The following PDE4B variants were observed in gnomAD, a reference collection of about 807,000 sequenced individuals.
PDE4B encodes 3',5'-cyclic-AMP phosphodiesterase 4B.
In PDE4B, 20 loss-of-function variants were observed where a neutral mutation model predicts 82.2. The ratio of observed to expected loss-of-function variants is 0.24; its 90% confidence interval spans 0.17 to 0.35. The LOEUF (loss-of-function observed/expected upper bound fraction) is 0.35, where lower values mean the gene tolerates loss of function less well. PDE4B is among the 10% of genes least tolerant of loss of function. The pLI is 1.00. For synonymous variants in PDE4B, 320 were observed against 318.9 expected (o/e 1.00, Z -0.04); for missense variants, 655 against 907.2 (o/e 0.72, Z 3.57).
At chr1:66,163,829 C>T (rs961062289) in intron 3 of PDE4B, among the ~76,000 whole-genome samples, 2 of 148,424 alleles carry the variant, frequency 1.3e-5, no homozygotes, top group Non-Finnish European at 3.0e-5. Context: ...TATAGAAGAT[C>T]TTCACCTGGT....
At chr1:65,810,676 C>T (rs1206912289) in intron 1 of PDE4B, among the ~76,000 whole-genome samples, 1 of 152,170 alleles carries the variant, frequency 6.6e-6, no homozygotes, top group Non-Finnish European at 1.5e-5. Flanking sequence ...AGGATTCAAA[C>T]TTAGGTCTAT....
chr1:65,828,542 G>A (rs1372937907), intron 1 of PDE4B, among the ~76,000 whole-genome samples: 1 of 151,954 alleles, frequency 6.6e-6, no homozygotes, highest in Non-Finnish European at 1.5e-5. Context: ...CACTGCACCT[G>A]GTCTCCTTAT....
intron 3 of PDE4B, among the ~76,000 whole-genome samples, chr1:66,122,712 T>C (rs1414384185): frequency 1.4e-5 from 2 of 147,870 alleles, no homozygotes; most frequent in Non-Finnish European, 1.5e-5. Flanking sequence ...TCTTTTTTTT[T>C]TTTTTTTTTT....
At chr1:65,922,445 A>C (rs966209978) in intron 3 of PDE4B, among the ~76,000 whole-genome samples, 6 of 152,182 alleles carry the variant, frequency 3.9e-5, no homozygotes, top group African/African-American at 1.2e-4. Context: ...ATATGATGAA[A>C]GAGGAATTCA....
chr1:65,949,059 C>CT (rs1299883420), intron 3 of PDE4B, among the ~76,000 whole-genome samples: 1 of 152,064 alleles, frequency 6.6e-6, no homozygotes, highest in East Asian at 1.9e-4. Flanking sequence ...TCATTCTGAA[C>CT]TTGCTGTGGA....
intron 1 of PDE4B, among the ~76,000 whole-genome samples, chr1:65,855,221 T>G (rs1646379460): frequency 6.6e-6 from 1 of 151,812 alleles, no homozygotes; most frequent in South Asian, 2.1e-4. Context: ...ATATTTTCCC[T>G]GGGTAACATA....
intron 3 of PDE4B, among the ~76,000 whole-genome samples, chr1:65,937,710 G>A (rs866066671): frequency 4.6e-5 from 7 of 152,124 alleles, no homozygotes; most frequent in African/African-American, 1.7e-4. Flanking sequence ...GGTATGTGAG[G>A]TAATGGACAA....
intron 3 of PDE4B, among the ~76,000 whole-genome samples, chr1:65,959,700 C>G (rs1468369574): frequency 6.6e-6 from 1 of 151,970 alleles, no homozygotes. Flanking sequence ...GCTAACTCAC[C>G]CCTTAGTTCA....
At chr1:66,025,700 C>T (rs1653395213) in intron 3 of PDE4B, among the ~76,000 whole-genome samples, 1 of 152,264 alleles carries the variant, frequency 6.6e-6, no homozygotes, top group Admixed American at 6.5e-5. Flanking sequence ...CCCAGGCCCC[C>T]AACTTTAAAC....
chr1:65,799,915 C>A (rs557628744), intron 1 of PDE4B, among the ~76,000 whole-genome samples: 2 of 152,336 alleles, frequency 1.3e-5, no homozygotes, highest in Admixed American at 6.5e-5. Flanking sequence ...CCATCTGTTT[C>A]TTTCTGCTCT....
At chr1:66,057,764 G>C (rs774152305) in intron 3 of PDE4B, among the ~76,000 whole-genome samples, 3 of 152,150 alleles carry the variant, frequency 2.0e-5, no homozygotes, top group Non-Finnish European at 4.4e-5. Flanking sequence ...CCATGATTCA[G>C]TTATTTCCCA....
intron 7 of PDE4B, among the ~76,000 whole-genome samples, chr1:66,318,289 T>C (rs1012753052): frequency 6.6e-6 from 1 of 152,160 alleles, no homozygotes; most frequent in African/African-American, 2.4e-5. Flanking sequence ...ATAATAACTA[T>C]TTACTGGGGG....
intron 3 of PDE4B, among the ~76,000 whole-genome samples, chr1:65,973,216 C>T (rs1477709191): frequency 6.6e-6 from 1 of 152,082 alleles, no homozygotes; most frequent in African/African-American, 2.4e-5. Flanking sequence ...CTTCAACCCA[C>T]AGATAATTAT....
At chr1:65,878,820 G>A (rs1025469148) in intron 1 of PDE4B, among the ~76,000 whole-genome samples, 1 of 151,994 alleles carries the variant, frequency 6.6e-6, no homozygotes, top group African/African-American at 2.4e-5. Flanking sequence ...GATAGGTGCA[G>A]CACACCACTA....
intron 3 of PDE4B, among the ~76,000 whole-genome samples, chr1:66,103,376 A>C (rs575897850): frequency 6.6e-6 from 1 of 152,168 alleles, no homozygotes; most frequent in South Asian, 2.1e-4. Context: ...CTTTCTTCAG[A>C]TTTCTTTTTC....
intron 3 of PDE4B, chr1:66,048,856 C>A (rs1654861513): frequency 6.6e-6 from 1 of 151,970 alleles, no homozygotes; most frequent in Admixed American, 6.6e-5. Flanking sequence ...CCACTCTTAA[C>A]ATATCAGTAA....
chr1:66,121,481 T>C (rs941682169), intron 3 of PDE4B, among the ~76,000 whole-genome samples: 1 of 152,266 alleles, frequency 6.6e-6, no homozygotes, highest in Non-Finnish European at 1.5e-5. Context: ...TGTAAGGAGT[T>C]TAGACAGCAC....
intron 7 of PDE4B, among the ~76,000 whole-genome samples, chr1:66,313,844 G>A (rs369752295): frequency 5.3e-5 from 8 of 152,124 alleles, no homozygotes; most frequent in South Asian, 2.1e-4. Flanking sequence ...GTAATCCTTC[G>A]CAGCAATCCA....
chr1:66,264,793 C>A lies in PDE4B; in HGVS notation c.585-1245C>A, dbSNP rs148651786. 3.2e-3 allele frequency among the ~76,000 whole-genome samples: 486 copies of A among 152,316 alleles called. 1 individual carries two copies. The highest frequency in any genetic ancestry group is 0.011 in the African/African-American group (468 of 41,568). Reference sequence around the variant, plus strand: ...CAGTAGGAAGACTCTTCTTTAGCAACAACGATGCAGGCTGTTCTTTGTCAT... The same window carrying A: ...CAGTAGGAAGACTCTTCTTTAGCAAAAACGATGCAGGCTGTTCTTTGTCAT... On this transcript the variant is annotated intron_variant, in intron 6 of 16. Transcript: ENST00000341517.
Sources: gnomAD v4.1 joint callset for allele counts (sites outside exome capture counted in the v4.1 genomes callset) on GRCh38, gnomAD v4.1.1 for gene constraint, MANE v1.5 for transcripts, NCBI Gene and HGNC (gene_info 2026-07-23, HGNC 2026-07-21) for gene names.